The following CSMD2 variants were observed in gnomAD, a reference collection of about 807,000 sequenced individuals.
The protein encoded by CSMD2 is CUB and Sushi multiple domains 2.
CSMD2 carries 130 observed loss-of-function variants against 398.5 expected under a neutral mutation model. The observed-to-expected ratio is 0.33, with a 90% CI of 0.28 to 0.38. The LOEUF is 0.38. Among genes scored for constraint, CSMD2 ranks in the 10% least tolerant of loss-of-function variants. The pLI, the probability that CSMD2 is intolerant of heterozygous loss-of-function variation, is 1.00. For missense variants in CSMD2, 3,829 were observed against 4,764.9 expected, an observed-to-expected ratio of 0.80 and a Z score of 5.78; for synonymous variants, 1,828 against 1,908.5, an observed-to-expected ratio of 0.96 and a Z score of 1.10.
intron 5 of CSMD2, among the ~76,000 whole-genome samples, chr1:33,902,140 T>G (rs550156061): frequency 6.6e-6 from 1 of 152,038 alleles, no homozygotes; most frequent in Non-Finnish European, 1.5e-5. Flanking sequence ...AAGCAGGGAG[T>G]TGGTCAGTGC....
intron 15 of CSMD2, 59 bp downstream of exon 15, chr1:33,739,081 C>G: frequency 6.5e-7 from 1 of 1,532,750 alleles, no homozygotes; most frequent in Non-Finnish European, 8.8e-7. Context: ...GCTGCTTGCT[C>G]CCCCTCCCCA....
chr1:33,743,987 A>G (rs1365530177), intron 13 of CSMD2, among the ~76,000 whole-genome samples: 22 of 152,204 alleles, frequency 1.4e-4, no homozygotes, highest in Admixed American at 1.4e-3. Context: ...GTGTCCACCA[A>G]TTGTTGGCAA....
intron 6 of CSMD2, among the ~76,000 whole-genome samples, chr1:33,844,840 T>C (rs550985112): frequency 6.6e-6 from 1 of 152,330 alleles, no homozygotes; most frequent in Admixed American, 6.5e-5. Context: ...CAAAACTTCA[T>C]TCTGGGCTAT....
At chr1:33,743,882 T>A (rs937289563) in intron 13 of CSMD2, among the ~76,000 whole-genome samples, 2 of 152,208 alleles carry the variant, frequency 1.3e-5, no homozygotes, top group African/African-American at 4.8e-5. Flanking sequence ...CACGCCCACC[T>A]AGGATGCGGC....
intron 27 of CSMD2, among the ~76,000 whole-genome samples, chr1:33,654,511 C>A (rs1001362258): frequency 1.3e-5 from 2 of 152,174 alleles, no homozygotes; most frequent in Non-Finnish European, 2.9e-5. Context: ...CGAGGTGGTG[C>A]CTTAAGTTGG....
intron 6 of CSMD2, among the ~76,000 whole-genome samples, chr1:33,831,235 GA>G (rs1197940228): frequency 6.6e-6 from 1 of 151,998 alleles, no homozygotes; most frequent in South Asian, 2.1e-4. Context: ...TGAAATGAAG[GA>G]AAAAATGTTA....
Position 33,518,881 on chromosome 1 carries a change from A to T in CSMD2, c.*53+584T>A, listed in dbSNP as rs757251570. Among the ~76,000 whole-genome samples, 3 of 152,196 alleles carry T rather than the reference A, an allele frequency of 2.0e-5. No homozygotes were observed. The highest frequency in any genetic ancestry group is 4.4e-5 in the Non-Finnish European group (3 of 68,052). ...TACATATAGCTCTACGGAGATGCGT[A>T]TCTATATATAGATGGATAGGTATGG... On this transcript the variant is annotated intron_variant, in intron 70 of 70. Transcript: ENST00000373381. This position sits in a 1 kb window ranked among gnomAD's most constrained non-coding sequence, Gnocchi z 4.3.
chr1:34,089,078 C>T lies in CSMD2; in HGVS notation c.303G>A (p.Gln101=). 1 of 1,614,198 alleles carries T rather than the reference C, an allele frequency of 6.2e-7. No homozygotes were observed. The highest frequency in any genetic ancestry group is 8.5e-7 in the Non-Finnish European group (1 of 1,180,028). ...ACTGGAACACAAGCTGGATTCTGTG[C>T]TGCTCTTCCGCGGTGATGGTCCACG... The part of the protein sequence containing the change: ...NCTWTITAEE[Q]HRIQLVFQSF... The change falls in exon 2 of 71, where the codon CAG becomes CAA. Residue 101 remains glutamine (Q), a synonymous_variant. Transcript: ENST00000373381.
At chr1:33,849,635 T>G (rs1442546255) in intron 5 of CSMD2, among the ~76,000 whole-genome samples, 1 of 152,088 alleles carries the variant, frequency 6.6e-6, no homozygotes, top group Non-Finnish European at 1.5e-5. Flanking sequence ...ACATTTAAAA[T>G]AGGTAATTTA....
intron 13 of CSMD2, among the ~76,000 whole-genome samples, chr1:33,744,814 G>T (rs192964964): frequency 6.6e-6 from 1 of 152,144 alleles, no homozygotes; most frequent in Admixed American, 6.5e-5. Flanking sequence ...AAAAAATATA[G>T]AATCCAATAT....
At position 33,783,675 on chromosome 1, in the gene CSMD2, C is replaced by T. The variant is rs189971849; in HGVS notation, c.1663+4925G>A. 6.5e-4 allele frequency among the ~76,000 whole-genome samples: 99 copies of T among 152,234 alleles called. 1 individual carries two copies. Among genetic ancestry groups the T allele is most frequent in the African/African-American group, 2.3e-3 (95 of 41,542 alleles). Reference sequence around the variant, plus strand: ...TGGCCTCCTATTAAAACAGTACAACCGTTATCTTTACCCCAGGGGACATTG... The same window carrying T: ...TGGCCTCCTATTAAAACAGTACAACTGTTATCTTTACCCCAGGGGACATTG... On this transcript the variant is annotated intron_variant, in intron 12 of 70. Coordinates refer to ENST00000373381, the MANE Select transcript of CSMD2 (RefSeq NM_001281956.2).
chr1:33,605,770 G>A, intron 41 of CSMD2: 1 of 1,024,606 alleles, frequency 9.8e-7, no homozygotes, highest in East Asian at 2.6e-5. Flanking sequence ...GGAGGCTCAA[G>A]GAAGACATTG....
intron 3 of CSMD2, among the ~76,000 whole-genome samples, chr1:34,009,207 G>A (rs1647164331): frequency 6.6e-6 from 1 of 151,994 alleles, no homozygotes; most frequent in Non-Finnish European, 1.5e-5. Flanking sequence ...TCTCCTATGA[G>A]AAAAACAAAG....
rs759914634 is a variant in CSMD2 at position 34,089,213 on chromosome 1, CA to C, written c.188-21del. The C allele has an allele frequency of 6.2e-7, 1 of 1,607,940 alleles. No homozygotes were observed. Among genetic ancestry groups the C allele is most frequent in the Admixed American group, 1.7e-5 (1 of 59,802 alleles). ...TCTGGCCTGGGAAAGAGAAATGGAGCAGTTCAGAATAGCCAGAATAACTCCT... is the reference window on the plus strand; with the variant it reads ...TCTGGCCTGGGAAAGAGAAATGGAGCGTTCAGAATAGCCAGAATAACTCCT... On this transcript the variant is annotated intron_variant, in intron 1 of 70. Transcript: ENST00000373381.
At chr1:33,908,391 C>A (rs1324063070) in intron 5 of CSMD2, among the ~76,000 whole-genome samples, 1 of 152,258 alleles carries the variant, frequency 6.6e-6, no homozygotes, top group Non-Finnish European at 1.5e-5. Flanking sequence ...TTCCATCTGT[C>A]TTAGCGGCAC....
At position 33,533,198 on chromosome 1, in the gene CSMD2, C is replaced by T. The variant is rs146169512; in HGVS notation, c.10023G>A (p.Thr3341=). The change falls in exon 64 of 71, where the codon ACG becomes ACA. Residue 3341 remains threonine (T), a synonymous_variant. Transcript: ENST00000373381. The surrounding 1 kb of genome is among the most constrained non-coding windows in gnomAD (Gnocchi z 4.2). ...AATCCAGGGCCCCGACGTTGGCATG[C>T]GTTGGCGTCTCTGGCTGCCTGCAGT... ...PHHCRQPETP[T]HANVGALDLP... 5.0e-4 allele frequency: 799 copies of T among 1,613,918 alleles called. 4 individuals are homozygous for T. The African/African-American group carries it at 7.8e-3, about 16-fold the overall frequency.
At chr1:33,837,220 A>C (rs1660385098) in intron 6 of CSMD2, among the ~76,000 whole-genome samples, 1 of 152,156 alleles carries the variant, frequency 6.6e-6, no homozygotes, top group Non-Finnish European at 1.5e-5. Flanking sequence ...AACTCAACAG[A>C]CTGGGACAGA....
chr1:33,792,119 G>A (rs1177048143), intron 11 of CSMD2, among the ~76,000 whole-genome samples: 1 of 152,114 alleles, frequency 6.6e-6, no homozygotes, highest in Non-Finnish European at 1.5e-5. Flanking sequence ...ATCAAGGTCT[G>A]CATGGAAGCA....
Position 33,664,244 on chromosome 1 carries a change from G to A in CSMD2, c.4053-1152C>T, listed in dbSNP as rs140167663. Among the ~76,000 whole-genome samples, 169 of 152,176 alleles carry A rather than the reference G, an allele frequency of 1.1e-3. 1 individual carries two copies. The highest frequency in any genetic ancestry group is 3.4e-3 in the African/African-American group (143 of 41,504). ...TAGGTTTGGTACATATGCTTCCAGA[G>A]TTTTTTTCAATGAGCACGCAAATAT... On this transcript the variant is annotated intron_variant, in intron 25 of 70. Transcript: ENST00000373381.
Sources: gnomAD v4.1 joint callset for allele counts (sites outside exome capture counted in the v4.1 genomes callset) on GRCh38, gnomAD v4.1.1 for gene constraint, Gnocchi (gnomAD v3.1) non-coding constraint, MANE v1.5 for transcripts, NCBI Gene and HGNC (gene_info 2026-07-23, HGNC 2026-07-21) for gene names.